Variants in PTPRG observed in about 807,000 individuals in gnomAD.
The protein encoded by PTPRG is protein tyrosine phosphatase receptor type G.
Under a neutral mutation model 165.3 loss-of-function variants are expected in PTPRG, and 102 were observed. That is an observed-to-expected ratio of 0.62 (90% CI 0.53 to 0.73). PTPRG has a LOEUF of 0.73. Ranked by LOEUF, PTPRG falls within the 30% of genes least tolerant of loss-of-function variation. The probability of loss-of-function intolerance (pLI) is 0.00; values close to 1 mark genes in which losing one functional copy is unlikely to be tolerated. For synonymous variants in PTPRG, 675 were observed against 669.5 expected, an observed-to-expected ratio of 1.01 and a Z score of -0.13; for missense variants, 1,866 against 1,861.4, an observed-to-expected ratio of 1.00 and a Z score of -0.05.
intron 2 of PTPRG, among the ~76,000 whole-genome samples, chr3:61,905,648 C>G (rs948841519): frequency 6.6e-6 from 1 of 152,188 alleles, no homozygotes; most frequent in African/African-American, 2.4e-5. Flanking sequence ...AGTTAAAGAT[C>G]TACAAAATCA....
intron 2 of PTPRG, among the ~76,000 whole-genome samples, chr3:61,865,345 A>G (rs1369677380): frequency 6.6e-6 from 1 of 152,214 alleles, no homozygotes; most frequent in Non-Finnish European, 1.5e-5. Flanking sequence ...TGAGCGTCTC[A>G]TTTAATTCTC....
intron 1 of PTPRG, among the ~76,000 whole-genome samples, chr3:61,701,440 A>T (rs1443987422): frequency 6.6e-6 from 1 of 152,148 alleles, no homozygotes; most frequent in Non-Finnish European, 1.5e-5. Flanking sequence ...TTTATGTTTC[A>T]TCTCTACTTT....
intron 2 of PTPRG, among the ~76,000 whole-genome samples, chr3:61,840,486 A>C (rs969833581): frequency 6.6e-6 from 1 of 152,206 alleles, no homozygotes; most frequent in Non-Finnish European, 1.5e-5. Flanking sequence ...TTTAATAAGC[A>C]CTTTGTAAGT....
chr3:61,860,324 C>A (rs2037225620), intron 2 of PTPRG, among the ~76,000 whole-genome samples: 1 of 151,076 alleles, frequency 6.6e-6, no homozygotes, highest in Non-Finnish European at 1.5e-5. Flanking sequence ...CAGACCCTTA[C>A]ATGCTTCCTT....
At chr3:62,231,456 AG>A in intron 14 of PTPRG, 145 bp downstream of exon 14, 1 of 508,714 alleles carries the variant, frequency 2.0e-6, no homozygotes. Flanking sequence ...CCCAAAAGTA[AG>A]ACTTGCAAAT....
intron 2 of PTPRG, among the ~76,000 whole-genome samples, chr3:61,787,471 T>C (rs1019108447): frequency 1.3e-5 from 2 of 152,326 alleles, no homozygotes; most frequent in African/African-American, 4.8e-5. Context: ...CTCATTGGCA[T>C]CTGAAATGGT....
intron 1 of PTPRG, among the ~76,000 whole-genome samples, chr3:61,695,507 C>T (rs543984691): frequency 3.9e-5 from 6 of 152,294 alleles, no homozygotes; most frequent in East Asian, 3.9e-4. Context: ...GAACAAGTTC[C>T]GTTGACTAAA....
chr3:62,218,823 C>T lies in PTPRG; in HGVS notation c.2156-28C>T, dbSNP rs751965988. The T allele has an allele frequency of 4.4e-6, 7 of 1,606,770 alleles. No homozygotes were observed. The South Asian group carries it at 6.7e-5, about 15-fold the overall frequency. On this transcript the variant is annotated intron_variant, in intron 12 of 29. Transcript: ENST00000474889. ...GCTCCCACCTCCACTAACCTCTGTCCTCTAACTGGGATGATTTCTCTTGGC... is the reference window on the plus strand; with the variant it reads ...GCTCCCACCTCCACTAACCTCTGTCTTCTAACTGGGATGATTTCTCTTGGC...
chr3:61,682,957 C>A (rs1227409621), intron 1 of PTPRG, among the ~76,000 whole-genome samples: 1 of 152,184 alleles, frequency 6.6e-6, no homozygotes, highest in Admixed American at 6.5e-5. Flanking sequence ...GCTAAATTGT[C>A]CTTAAGTGGA....
chr3:61,843,720 A>G (rs557399670), intron 2 of PTPRG, among the ~76,000 whole-genome samples: 18 of 152,068 alleles, frequency 1.2e-4, no homozygotes, highest in African/African-American at 4.1e-4. Flanking sequence ...CTTCTTTACA[A>G]CTCTGAAATC....
In PTPRG at chr3:61,690,063, C is replaced by G. The variant is rs111230699; in HGVS notation, c.86-58815C>G. 6.2e-4 allele frequency among the ~76,000 whole-genome samples: 95 copies of G among 152,336 alleles called. 1 individual carries two copies. Among genetic ancestry groups the G allele is most frequent in the African/African-American group, 2.2e-3 (90 of 41,574 alleles). ...TCATTGTTTTTCCCATGCTATTCTT[C>G]AGCTTCCTTTTTCTTTGGACACTGT... On this transcript the variant is annotated intron_variant, in intron 1 of 29. Coordinates refer to ENST00000474889, the MANE Select transcript of PTPRG (RefSeq NM_002841.4).
intron 1 of PTPRG, among the ~76,000 whole-genome samples, chr3:61,711,388 A>G (rs1228788962): frequency 2.0e-5 from 3 of 152,208 alleles, no homozygotes; most frequent in Admixed American, 6.5e-5. Flanking sequence ...ACTCCCACCA[A>G]CAGTGTAAAG....
At chr3:61,564,244 A>C (rs1699848712) in intron 1 of PTPRG, among the ~76,000 whole-genome samples, 1 of 152,174 alleles carries the variant, frequency 6.6e-6, no homozygotes, top group African/African-American at 2.4e-5. Flanking sequence ...GCTCAGGTGC[A>C]CACAGGGGTT....
chr3:62,085,017 G>C (rs926542788), intron 5 of PTPRG, among the ~76,000 whole-genome samples: 19 of 152,132 alleles, frequency 1.2e-4, no homozygotes, highest in Admixed American at 9.2e-4. Flanking sequence ...TAGGCATTAG[G>C]GGGTAGAGCC....
At chr3:61,951,876 T>C (rs937529390) in intron 2 of PTPRG, among the ~76,000 whole-genome samples, 1 of 152,032 alleles carries the variant, frequency 6.6e-6, no homozygotes, top group African/African-American at 2.4e-5. Context: ...TCCCAGCACT[T>C]TGGGAGGCCG....
At chr3:62,082,865 A>G (rs1049218513) in intron 5 of PTPRG, among the ~76,000 whole-genome samples, 1 of 152,186 alleles carries the variant, frequency 6.6e-6, no homozygotes, top group Non-Finnish European at 1.5e-5. Flanking sequence ...GCCACTGGTT[A>G]AGTGTAATAT....
At chr3:62,216,137 G>A (rs535180205) in intron 12 of PTPRG, among the ~76,000 whole-genome samples, 49 of 151,994 alleles carry the variant, frequency 3.2e-4, no homozygotes, top group Non-Finnish European at 5.9e-4. Flanking sequence ...AGGATCGCTT[G>A]AGCGTGGGAG....
intron 2 of PTPRG, among the ~76,000 whole-genome samples, chr3:61,777,234 C>A (rs548549634): frequency 3.9e-5 from 6 of 152,334 alleles, no homozygotes; most frequent in East Asian, 1.9e-4. Context: ...CTATGCTGTG[C>A]TGTCTAACAC....
At chr3:61,926,147 A>T (rs188016881) in intron 2 of PTPRG, among the ~76,000 whole-genome samples, 6 of 152,296 alleles carry the variant, frequency 3.9e-5, no homozygotes, top group African/African-American at 1.4e-4. Flanking sequence ...AAGGAAATCC[A>T]TGGAAATAAA....
Sources: gnomAD v4.1 joint callset for allele counts (sites outside exome capture counted in the v4.1 genomes callset) on GRCh38, gnomAD v4.1.1 for gene constraint, MANE v1.5 for transcripts, NCBI Gene and HGNC (gene_info 2026-07-23, HGNC 2026-07-21) for gene names.